The following LRRTM4 variants were observed in gnomAD, a reference collection of about 807,000 sequenced individuals.
LRRTM4 encodes the protein leucine-rich repeat transmembrane neuronal protein 4.
LRRTM4 carries 25 observed loss-of-function variants against 47.6 expected under a neutral mutation model. The observed-to-expected ratio is 0.53, with a 90% CI of 0.38 to 0.73. The LOEUF is 0.73. Among genes scored for constraint, LRRTM4 ranks in the 30% least tolerant of loss-of-function variants. LRRTM4 has a pLI of 0.00. For synonymous variants in LRRTM4, 311 were observed against 269.5 expected (o/e 1.15, Z -1.51); for missense variants, 638 against 713.4 (o/e 0.89, Z 1.20).
chr2:77,079,345 AC>A (rs1368960749), intron 3 of LRRTM4, among the ~76,000 whole-genome samples: 1 of 152,178 alleles, frequency 6.6e-6, no homozygotes, highest in African/African-American at 2.4e-5. Flanking sequence ...TTTTGTAAAT[AC>A]AGTTTTATTG....
chr2:76,870,886 G>A (rs143929403), intron 3 of LRRTM4, among the ~76,000 whole-genome samples: 3 of 152,244 alleles, frequency 2.0e-5, no homozygotes, highest in Non-Finnish European at 4.4e-5. Context: ...AACACACACA[G>A]AAATTCTTCA....
chr2:77,080,328 G>A (rs565073288), intron 3 of LRRTM4, among the ~76,000 whole-genome samples: 1 of 151,794 alleles, frequency 6.6e-6, no homozygotes, highest in East Asian at 1.9e-4. Context: ...AGTTTCCTTT[G>A]AGCACTGTCC....
At chr2:76,880,528 CA>C (rs200500592) in intron 3 of LRRTM4, among the ~76,000 whole-genome samples, 14 of 150,500 alleles carry the variant, frequency 9.3e-5, no homozygotes, top group East Asian at 2.0e-4. Flanking sequence ...AGGAAGCAAA[CA>C]AAAAAAAATC....
rs572435314 is a variant in LRRTM4, at chr2:76,918,595, G to T, written c.1552-169679C>A. On this transcript the variant is annotated intron_variant, in intron 3 of 3. Transcript: ENST00000409884. Reference sequence around the variant, plus strand: ...AGCAGCATTTCACATAAATGAGAGGGGGAAAATTTAAAAATACAGACGAAC... The same window carrying T: ...AGCAGCATTTCACATAAATGAGAGGTGGAAAATTTAAAAATACAGACGAAC... Among the ~76,000 whole-genome samples, 242 of 152,078 alleles carry T rather than the reference G, an allele frequency of 1.6e-3. 1 individual carries two copies. The highest frequency in any genetic ancestry group is 0.01 in the Middle Eastern group (3 of 294).
intron 3 of LRRTM4, among the ~76,000 whole-genome samples, chr2:76,930,198 G>A (rs1462412910): frequency 6.6e-6 from 1 of 152,032 alleles, no homozygotes; most frequent in Non-Finnish European, 1.5e-5. Flanking sequence ...TTAGGTAGGG[G>A]GTTTCCACTG....
At chr2:77,100,468 A>G (rs746005242) in intron 3 of LRRTM4, among the ~76,000 whole-genome samples, 1 of 152,166 alleles carries the variant, frequency 6.6e-6, no homozygotes, top group African/African-American at 2.4e-5. Context: ...GGAAACACCA[A>G]TGATAGAAGG....
intron 3 of LRRTM4, chr2:77,516,606 T>C (rs763853646): frequency 5.3e-5 from 52 of 982,212 alleles, no homozygotes; most frequent in Non-Finnish European, 6.2e-5. Flanking sequence ...GTGTTACTAA[T>C]ACTCAAGTAT....
intron 3 of LRRTM4, among the ~76,000 whole-genome samples, chr2:77,261,767 T>C (rs983654481): frequency 6.6e-6 from 1 of 152,172 alleles, no homozygotes; most frequent in East Asian, 1.9e-4. Flanking sequence ...TAAAATACAG[T>C]TCCCTGTATA....
intron 3 of LRRTM4, among the ~76,000 whole-genome samples, chr2:77,259,318 A>C: frequency 6.6e-6 from 1 of 152,214 alleles, no homozygotes; most frequent in African/African-American, 2.4e-5. Flanking sequence ...ACTGTCCTTA[A>C]AAAGTGTTAT....
intron 3 of LRRTM4, among the ~76,000 whole-genome samples, chr2:77,201,012 C>T (rs533257258): frequency 6.6e-6 from 1 of 152,184 alleles, no homozygotes; most frequent in Admixed American, 6.5e-5. Flanking sequence ...GGCAAGTGTA[C>T]GTAAGCCAGT....
intron 3 of LRRTM4, among the ~76,000 whole-genome samples, chr2:77,138,147 T>A (rs1468919310): frequency 6.6e-6 from 1 of 152,212 alleles, no homozygotes; most frequent in Non-Finnish European, 1.5e-5. Context: ...TACAGAACTC[T>A]GTACCCCAAA....
Position 76,772,555 on chromosome 2 carries a change from G to C in LRRTM4, c.1552-23639C>G, listed in dbSNP as rs114920352. ...AAACTGAACATGACAGTCTCAATTT[G>C]ACCAACCTTTGGACAGATATTTTTT... On this transcript the variant is annotated intron_variant, in intron 3 of 3. Transcript: ENST00000409884. Among the ~76,000 whole-genome samples, 56 of 152,248 alleles carry C rather than the reference G, an allele frequency of 3.7e-4. No homozygotes were observed. In the South Asian group the frequency reaches 0.011, roughly 30 times the overall value.
At chr2:77,068,622 C>G (rs1256529087) in intron 3 of LRRTM4, among the ~76,000 whole-genome samples, 1 of 152,180 alleles carries the variant, frequency 6.6e-6, no homozygotes, top group East Asian at 1.9e-4. Flanking sequence ...TATGTTATAG[C>G]ACATACTATG....
chr2:76,838,016 G>A (rs1229187680), intron 3 of LRRTM4, among the ~76,000 whole-genome samples: 1 of 151,480 alleles, frequency 6.6e-6, no homozygotes, highest in Non-Finnish European at 1.5e-5. Context: ...CAGCACACCA[G>A]CATGGCACAT....
intron 3 of LRRTM4, among the ~76,000 whole-genome samples, chr2:76,902,250 T>A (rs1232197931): frequency 2.0e-5 from 3 of 152,204 alleles, no homozygotes; most frequent in Admixed American, 6.5e-5. Context: ...TACACCCAGA[T>A]ATTCCTGTTC....
chr2:76,851,913 C>G (rs1214648199), intron 3 of LRRTM4, among the ~76,000 whole-genome samples: 1 of 151,896 alleles, frequency 6.6e-6, no homozygotes, highest in African/African-American at 2.4e-5. Flanking sequence ...ACAGGAAACA[C>G]TTACGAGCAA....
At position 76,940,494 on chromosome 2, in the gene LRRTM4, A is replaced by G. The variant is rs13431465; in HGVS notation, c.1552-191578T>C. ...GACACTCAGGTCTACCTGAGGGTGG[A>G]GGGTGAGAAGAGGGAGGGGATCAGG... is the stretch of plus-strand genomic sequence containing the variant. On this transcript the variant is annotated intron_variant, in intron 3 of 3. Coordinates refer to ENST00000409884, the MANE Select transcript of LRRTM4 (RefSeq NM_001134745.3). Among the ~76,000 whole-genome samples the G allele has an allele frequency of 4.3e-3, 653 of 152,254 alleles. 2 individuals carry two copies. The highest frequency in any genetic ancestry group is 0.015 in the African/African-American group (632 of 41,560).
At chr2:77,189,542 C>T (rs911222462) in intron 3 of LRRTM4, among the ~76,000 whole-genome samples, 5 of 152,054 alleles carry the variant, frequency 3.3e-5, no homozygotes, top group African/African-American at 1.2e-4. Context: ...TCCAGAGAGG[C>T]TCTAGCTCTC....
intron 3 of LRRTM4, among the ~76,000 whole-genome samples, chr2:76,753,269 G>T (rs1191169078): frequency 6.6e-6 from 1 of 152,132 alleles, no homozygotes; most frequent in Non-Finnish European, 1.5e-5. Context: ...TTCAGAAGAT[G>T]CTGAAAGTAT....
Sources: gnomAD v4.1 joint callset for allele counts (sites outside exome capture counted in the v4.1 genomes callset) on GRCh38, gnomAD v4.1.1 for gene constraint, MANE v1.5 for transcripts, NCBI Gene and HGNC (gene_info 2026-07-23, HGNC 2026-07-21) for gene names.